RAB22A: variants seen among roughly 807,000 people sequenced by gnomAD.
RAB22A encodes the protein ras-related protein Rab-22A.
In RAB22A, 13 loss-of-function variants were observed where a neutral mutation model predicts 30.2. The observed-to-expected ratio is 0.43, with a 90% CI of 0.28 to 0.68. RAB22A has a LOEUF of 0.68. Ranked by LOEUF, RAB22A falls within the 30% of genes least tolerant of loss-of-function variation. The pLI is 0.18. For synonymous variants in RAB22A, 89 were observed against 87.2 expected (o/e 1.02, Z -0.11); for missense variants, 177 against 246.8 (o/e 0.72, Z 1.89).
chr20:58,350,745 C>G (rs1987034321), intron 3 of RAB22A, among the ~76,000 whole-genome samples: 1 of 152,200 alleles, frequency 6.6e-6, no homozygotes, highest in Non-Finnish European at 1.5e-5. Context: ...TCAACAGCAG[C>G]TGTCCCAGAA....
rs144147955 is a variant in RAB22A, at chr20:58,311,218, A to G, written c.116+96A>G. On this transcript the variant is annotated intron_variant, in intron 2 of 6. Transcript: ENST00000244040. ...GGTGTAGGCCCTGCGCTTTGTAGTCATTGAATTCTGAGTCGCTGGTTCGCA... is the reference window on the plus strand; with the variant it reads ...GGTGTAGGCCCTGCGCTTTGTAGTCGTTGAATTCTGAGTCGCTGGTTCGCA... The G allele has an allele frequency of 4.1e-5, 47 of 1,159,294 alleles. No individual in the cohort carries two copies. The East Asian group carries it at 1.0e-3, about 25-fold the overall frequency. The allele number at this position is 1,159,294 out of a possible 1,614,324, so 71.8% of individuals were successfully genotyped here. A position where few individuals can be genotyped will look rare whatever the true frequency, so the allele number is the denominator to read the frequency against.
At chr20:58,347,565 T>G (rs1208495285) in intron 3 of RAB22A, among the ~76,000 whole-genome samples, 1 of 152,236 alleles carries the variant, frequency 6.6e-6, no homozygotes, top group African/African-American at 2.4e-5. Context: ...GTATGTAGTT[T>G]TATCAGAAAA....
chr20:58,322,176 C>G (rs1325190353), intron 2 of RAB22A, among the ~76,000 whole-genome samples: 1 of 152,162 alleles, frequency 6.6e-6, no homozygotes, highest in African/African-American at 2.4e-5. Context: ...GAGTGCCGTT[C>G]TGAATTCTAC....
Position 58,353,543 on chromosome 20 carries a change from G to A in RAB22A, c.377+5G>A, listed in dbSNP as rs375634898. 1.9e-6 allele frequency: 3 copies of A among 1,571,306 alleles called. No homozygotes were observed. Among genetic ancestry groups the A allele is most frequent in the East Asian group, 2.2e-5 (1 of 44,658 alleles). On this transcript the variant is annotated splice_donor_5th_base_variant and intron_variant, in intron 5 of 6. Transcript: ENST00000244040. ...ATGTGATCTTATCGATGTAAGGTAA[G>A]TTATTAGAACGAGAGATTACAATAC...
At chr20:58,313,127 G>T (rs1986263980) in intron 2 of RAB22A, among the ~76,000 whole-genome samples, 1 of 152,136 alleles carries the variant, frequency 6.6e-6, no homozygotes, top group Non-Finnish European at 1.5e-5. Context: ...GAAAAGTGAA[G>T]GGTGTAGCTT....
chr20:58,334,087 T>G (rs1295990268), intron 2 of RAB22A, among the ~76,000 whole-genome samples: 1 of 152,040 alleles, frequency 6.6e-6, no homozygotes. Context: ...TCGCAGCACT[T>G]TGGGAGGCCG....
chr20:58,343,541 C>T (rs1169694026), intron 2 of RAB22A, among the ~76,000 whole-genome samples, 177 bp from the exon 3 acceptor site: 2 of 151,988 alleles, frequency 1.3e-5, no homozygotes, highest in Admixed American at 1.3e-4. Context: ...TTTATTTTGA[C>T]GGAGGATATG....
At chr20:58,316,172 G>T (rs1327664432) in intron 2 of RAB22A, among the ~76,000 whole-genome samples, 4 of 152,164 alleles carry the variant, frequency 2.6e-5, no homozygotes, top group African/African-American at 9.7e-5. Context: ...GTCAGCAAAG[G>T]CCAGGCAAAG....
intron 2 of RAB22A, among the ~76,000 whole-genome samples, chr20:58,318,543 A>T (rs1409507856): frequency 6.6e-6 from 1 of 152,144 alleles, no homozygotes; most frequent in African/African-American, 2.4e-5. Flanking sequence ...TTCCTAAATC[A>T]GAAACCCTTC....
rs992092054 is a variant in RAB22A, at chr20:58,359,988, G to C, written c.*285G>C. On this transcript the variant is annotated 3_prime_UTR_variant, in exon 7 of 7. Coordinates refer to ENST00000244040, the MANE Select transcript of RAB22A (RefSeq NM_020673.3). ...ATAATTGTATGGATGGTAGGATTAA[G>C]TTGTTGAGTAGTTTTGTAATCAAGA... 2 of 182,940 alleles carry C rather than the reference G, an allele frequency of 1.1e-5. No individual in the cohort carries two copies. The highest frequency in any genetic ancestry group is 4.7e-5 in the African/African-American group (2 of 42,588). 11.3% of individuals were successfully genotyped at this position (182,940 alleles called of 1,614,324 possible).
intron 2 of RAB22A, 26 bp from the exon 3 acceptor site, chr20:58,343,692 C>A: frequency 1.3e-6 from 2 of 1,552,108 alleles, no homozygotes; most frequent in African/African-American, 1.4e-5. Flanking sequence ...TAATTGTATT[C>A]TGATCATTTA....
intron 2 of RAB22A, among the ~76,000 whole-genome samples, chr20:58,329,199 G>A (rs1986622277): frequency 1.3e-5 from 2 of 151,748 alleles, no homozygotes; most frequent in African/African-American, 2.4e-5. Context: ...GATTACAGGC[G>A]CCTGCCACCA....
intron 2 of RAB22A, among the ~76,000 whole-genome samples, chr20:58,316,099 A>G (rs1460443075): frequency 6.6e-6 from 1 of 152,064 alleles, no homozygotes; most frequent in Non-Finnish European, 1.5e-5. Flanking sequence ...TCCTTGGCAA[A>G]TTCCTGATTG....
intron 3 of RAB22A, among the ~76,000 whole-genome samples, chr20:58,344,814 C>G (rs1246631954): frequency 2.0e-5 from 3 of 152,214 alleles, no homozygotes; most frequent in African/African-American, 7.2e-5. Context: ...TAGACATAGA[C>G]TCCATGCATT....
chr20:58,359,688 G>A lies in RAB22A; in HGVS notation c.570G>A (p.Lys190=), dbSNP rs1484559231. 1.2e-6 allele frequency: 2 copies of A among 1,610,876 alleles called. No homozygotes were observed. Among genetic ancestry groups the A allele is most frequent in the South Asian group, 1.1e-5 (1 of 90,968 alleles). ...TCCGAAGACAGCCTTCAGAGCCAAAGCGGAGCTGCTGCTGACCGAACCTCA... is the reference window on the plus strand; with the variant it reads ...TCCGAAGACAGCCTTCAGAGCCAAAACGGAGCTGCTGCTGACCGAACCTCA... ...FKLRRQPSEP[K]RSCC The change falls in exon 7 of 7, where the codon AAG becomes AAA. Residue 190 remains lysine (K), a synonymous_variant. Transcript: ENST00000244040.
intron 2 of RAB22A, among the ~76,000 whole-genome samples, chr20:58,326,866 G>A (rs6026202): frequency 0.054 from 8,188 of 152,230 alleles, 264 homozygotes; most frequent in Middle Eastern, 0.099. Flanking sequence ...TGAATAAGTG[G>A]TGAGAGCCAA....
At chr20:58,334,752 T>A (rs1465487389) in intron 2 of RAB22A, among the ~76,000 whole-genome samples, 1 of 151,602 alleles carries the variant, frequency 6.6e-6, no homozygotes, top group Non-Finnish European at 1.5e-5. Flanking sequence ...TTTTTTGGCC[T>A]TATTGTATTG....
In RAB22A at chr20:58,361,274, A is replaced by G. The variant is rs1337721857; in HGVS notation, c.*1571A>G. Reference sequence around the variant, plus strand: ...TTTCAGAGCTATCCTGAAACTGAACAGCTGAAACTTTAAAAAATAATTGGT... The same window carrying G: ...TTTCAGAGCTATCCTGAAACTGAACGGCTGAAACTTTAAAAAATAATTGGT... On this transcript the variant is annotated 3_prime_UTR_variant, in exon 7 of 7. Transcript: ENST00000244040. The G allele has an allele frequency of 6.6e-6, 1 of 152,650 alleles. No individual in the cohort carries two copies. The highest frequency in any genetic ancestry group is 1.5e-5 in the Non-Finnish European group (1 of 68,040). 9.5% of individuals were successfully genotyped at this position (152,650 alleles called of 1,614,324 possible).
chr20:58,349,146 G>T (rs545266266), intron 3 of RAB22A, among the ~76,000 whole-genome samples: 1 of 152,276 alleles, frequency 6.6e-6, no homozygotes, highest in African/African-American at 2.4e-5. Flanking sequence ...ATAGCGAGTG[G>T]CTTGCCCTCC....
Sources: gnomAD v4.1 joint callset for allele counts (sites outside exome capture counted in the v4.1 genomes callset) on GRCh38, gnomAD v4.1.1 for gene constraint, MANE v1.5 for transcripts, NCBI Gene and HGNC (gene_info 2026-07-23, HGNC 2026-07-21) for gene names.